SLC5A10: variants seen among roughly 807,000 people sequenced by gnomAD.
SLC5A10 encodes sodium/mannose cotransporter SLC5A10.
Under a neutral mutation model 68.9 loss-of-function variants are expected in SLC5A10, and 55 were observed. That is an observed-to-expected ratio of 0.80 (90% CI 0.64 to 1.00). The LOEUF (loss-of-function observed/expected upper bound fraction) is 1.00, where lower values mean the gene tolerates loss of function less well. Ranked by LOEUF, SLC5A10 falls within the 50% of genes least tolerant of loss-of-function variation. SLC5A10 has a pLI of 0.00. For missense variants in SLC5A10, 732 were observed against 819.3 expected (o/e 0.89, Z 1.30); for synonymous variants, 344 against 344.8 (o/e 1.00, Z 0.02).
At chr17:18,954,903 T>C (rs995679316) in intron 1 of SLC5A10, among the ~76,000 whole-genome samples, 2 of 152,006 alleles carry the variant, frequency 1.3e-5, no homozygotes, top group Admixed American at 1.3e-4. Context: ...AAAGCCCGTC[T>C]CTACTTTTGT....
intron 7 of SLC5A10, chr17:18,970,723 G>A: frequency 2.2e-6 from 1 of 454,758 alleles, no homozygotes; most frequent in Non-Finnish European, 4.0e-6. Context: ...TGAGTGTCCA[G>A]AGGCCAACAG....
intron 2 of SLC5A10, 50 bp downstream of exon 2, chr17:18,958,803 T>C: frequency 6.3e-7 from 1 of 1,595,528 alleles, no homozygotes; most frequent in Non-Finnish European, 8.6e-7. Flanking sequence ...CGTGGGGCTG[T>C]GTCTGATCTC....
chr17:19,015,856 G>A (rs2044128390), intron 11 of SLC5A10, among the ~76,000 whole-genome samples: 2 of 152,128 alleles, frequency 1.3e-5, no homozygotes, highest in African/African-American at 4.8e-5. Flanking sequence ...CAAATATCTG[G>A]GCGCTTCATG....
At chr17:18,970,129 C>T (rs2042804746) in intron 7 of SLC5A10, 1 of 152,286 alleles carries the variant, frequency 6.6e-6, no homozygotes, top group South Asian at 2.1e-4. Context: ...CAGAGCCTGA[C>T]CTGAGCTCCA....
chr17:18,965,567 T>C (rs1038389431), intron 5 of SLC5A10, among the ~76,000 whole-genome samples: 1 of 152,170 alleles, frequency 6.6e-6, no homozygotes, highest in Non-Finnish European at 1.5e-5. Context: ...TTCCATCGGC[T>C]GGGAGATGGA....
At position 18,958,752 on chromosome 17, in the gene SLC5A10, C is replaced by T. The variant is rs149069149; in HGVS notation, c.182C>T (p.Pro61Leu). The change falls in exon 2 of 15, where the codon CCG becomes CTG. Residue 61 changes from proline to leucine, a missense_variant and splice_region_variant. By Grantham distance (98) the Pro-to-Leu change is moderately conservative (BLOSUM62 -3). Transcript: ENST00000395645. Reference sequence around the variant, plus strand: ...GCAGGCCGGGACATGACGTGGTGGCCGGTGAGTGCACCCTGACTTCTCACA... The same window carrying T: ...GCAGGCCGGGACATGACGTGGTGGCTGGTGAGTGCACCCTGACTTCTCACA... ...FLAGRDMTWW[P>L]IGASLFASSE... is the part of the protein sequence containing the mutation. 18 of 1,614,022 alleles carry T rather than the reference C, an allele frequency of 1.1e-5. No individual in the cohort carries two copies. The highest frequency in any genetic ancestry group is 3.3e-4 in the Middle Eastern group (2 of 6,082).
In SLC5A10 at chr17:19,015,164, C is replaced by T. The variant is rs763621831; in HGVS notation, c.1206C>T (p.Pro402=). 2.0e-6 allele frequency: 3 copies of T among 1,522,506 alleles called. No homozygotes were observed. In the Admixed American group the frequency reaches 5.4e-5, roughly 27 times the overall value. The allele number at this position is 1,522,506 out of a possible 1,614,324, so 94.3% of individuals were successfully genotyped here. A position where few individuals can be genotyped will look rare whatever the true frequency, so the allele number is the denominator to read the frequency against. ...FTMDIWRRLR[P]RSGERELLLV... ...TGGACATCTGGAGGCGGCTGCGTCC[C>T]CGCTCCGGCGAGCGGGAGCTCCTGC... The change falls in exon 11 of 15, where the codon CCC becomes CCT. Residue 402 remains proline, a synonymous_variant. Coordinates refer to ENST00000395645, the MANE Select transcript of SLC5A10 (RefSeq NM_001042450.4).
chr17:18,969,394 G>T lies in SLC5A10; in HGVS notation c.612G>T (p.Val204=). ...YTDALQTLIM[V]VGAVILTIKA... ...ACGCCCTGCAGACGCTCATCATGGT[G>T]GTGGGGGCTGTCATCCTGACAATCA... Residue 204 remains valine, a synonymous_variant, in exon 7 of 15, where the codon GTG becomes GTT. Coordinates refer to ENST00000395645, the MANE Select transcript of SLC5A10 (RefSeq NM_001042450.4). 6.2e-7 allele frequency: 1 copy of T among 1,613,842 alleles called. No homozygotes were observed. Among genetic ancestry groups the T allele is most frequent in the Non-Finnish European group, 8.5e-7 (1 of 1,180,022 alleles).
At chr17:18,977,805 C>T (rs752034805) in intron 9 of SLC5A10, 12 of 1,603,612 alleles carry the variant, frequency 7.5e-6, no homozygotes, top group East Asian at 2.2e-5. Context: ...TCTCTCACCT[C>T]GAAGTACTCC....
rs928471908 is a variant in SLC5A10, at chr17:19,004,495, A to G, written c.983-8915A>G. Among the ~76,000 whole-genome samples the G allele has an allele frequency of 1.3e-5, 2 of 151,984 alleles. No individual in the cohort carries two copies. The highest frequency in any genetic ancestry group is 2.9e-5 in the Non-Finnish European group (2 of 67,962). The stretch of plus-strand genomic sequence containing the variant: ...GGGGAACTTCCCAGTAGCTTCTTAG[A>G]GTGGGAGGCGGCCCCGGCACAGAGG... On this transcript the variant is annotated intron_variant, in intron 9 of 14. Transcript: ENST00000395645. This position sits in a 1 kb window ranked among gnomAD's most constrained non-coding sequence, Gnocchi z 5.4.
At chr17:19,019,205 T>G in intron 11 of SLC5A10, 2 of 576,010 alleles carry the variant, frequency 3.5e-6, no homozygotes, top group Non-Finnish European at 6.0e-6. Flanking sequence ...GCACTTAGAG[T>G]CAGGAGCTGC....
intron 3 of SLC5A10, 83 bp from the exon 4 acceptor site, chr17:18,959,521 T>A: frequency 6.7e-7 from 1 of 1,481,734 alleles, no homozygotes; most frequent in African/African-American, 1.4e-5. Context: ...TCCGGATGGC[T>A]CATCCCAGCC....
intron 5 of SLC5A10, among the ~76,000 whole-genome samples, chr17:18,967,550 G>C (rs2042736852): frequency 6.6e-6 from 1 of 152,236 alleles, no homozygotes; most frequent in African/African-American, 2.4e-5. Context: ...GGCGTGGCCA[G>C]AGCCAAAGAC....
intron 5 of SLC5A10, among the ~76,000 whole-genome samples, chr17:18,964,363 C>T (rs1031716037): frequency 2.0e-5 from 3 of 152,120 alleles, no homozygotes; most frequent in African/African-American, 7.2e-5. Context: ...CCCTGGGGCC[C>T]GAAAGTGCCT....
rs535294306 is a variant in SLC5A10, at chr17:19,018,531, T to A, written c.1242-892T>A. Reference sequence around the variant, plus strand: ...GCACCAGGTCCCACTCATCGCCGAGTTGGGGATCCTAGGGTAGTGTCCTAC... The same window carrying A: ...GCACCAGGTCCCACTCATCGCCGAGATGGGGATCCTAGGGTAGTGTCCTAC... On this transcript the variant is annotated intron_variant, in intron 11 of 14. Transcript: ENST00000395645. The surrounding 1 kb of genome is among the most constrained non-coding windows in gnomAD (Gnocchi z 4.2). 6.6e-6 allele frequency: 1 copy of A among 152,228 alleles called. No homozygotes were observed. The highest frequency in any genetic ancestry group is 1.5e-5 in the Non-Finnish European group (1 of 68,054). The allele number at this position is 152,228 out of a possible 1,614,324, so 9.4% of individuals were successfully genotyped here. A position where few individuals can be genotyped will look rare whatever the true frequency, so the allele number is the denominator to read the frequency against.
chr17:19,019,332 A>T lies in SLC5A10; in HGVS notation c.1242-91A>T, dbSNP rs1033442068. 1.4e-4 allele frequency: 213 copies of T among 1,472,460 alleles called. No individual in the cohort carries two copies. In the African/African-American group the frequency reaches 2.6e-3, roughly 18 times the overall value. 91.2% of individuals were successfully genotyped at this position (1,472,460 alleles called of 1,614,324 possible). ...CTGGAGCTGGGGTAGCAGGGGAAAG[A>T]TTAGAGAGCAAGTCTTAGTGACCAG... On this transcript the variant is annotated intron_variant, in intron 11 of 14. Coordinates refer to ENST00000395645, the MANE Select transcript of SLC5A10 (RefSeq NM_001042450.4).
rs547210552 is a variant in SLC5A10, at chr17:19,000,614, G to T, written c.983-12796G>T. Among the ~76,000 whole-genome samples, 1 of 152,160 alleles carries T rather than the reference G, an allele frequency of 6.6e-6. No homozygotes were observed. Among genetic ancestry groups the T allele is most frequent in the African/African-American group, 2.4e-5 (1 of 41,424 alleles). On this transcript the variant is annotated intron_variant, in intron 9 of 14. Coordinates refer to ENST00000395645, the MANE Select transcript of SLC5A10 (RefSeq NM_001042450.4). This position sits in a 1 kb window ranked among gnomAD's most constrained non-coding sequence, Gnocchi z 5.2. ...CGACAGGTAAGGTGAGTGAGGAGGC[G>T]GAAGGCTGGGCTGTCCTGACTCAGC...
chr17:19,003,535 GATC>G lies in SLC5A10; in HGVS notation c.983-9871_983-9869del. On this transcript the variant is annotated intron_variant, in intron 9 of 14. Coordinates refer to ENST00000395645, the MANE Select transcript of SLC5A10 (RefSeq NM_001042450.4). The surrounding 1 kb of genome is among the most constrained non-coding windows in gnomAD (Gnocchi z 4.5). Reference sequence around the variant, plus strand: ...GCTGCCTCACCTTCTGTGCCTGGCTGATCATCTTCCGCACCACCTCTTTGATGT... The same window carrying G: ...GCTGCCTCACCTTCTGTGCCTGGCTGATCTTCCGCACCACCTCTTTGATGT... 6.5e-7 allele frequency: 1 copy of G among 1,539,238 alleles called. No homozygotes were observed. The highest frequency in any genetic ancestry group is 1.3e-5 in the South Asian group (1 of 79,288).
At position 18,972,493 on chromosome 17, in the gene SLC5A10, G is replaced by A. The variant is rs191618591; in HGVS notation, c.846+1275G>A. The stretch of plus-strand genomic sequence containing the variant: ...GTGGAGTGACTTTTCCGTGGTTCCC[G>A]ACTCTGCTCTTCCTCTCCCAAGCAG... On this transcript the variant is annotated intron_variant, in intron 8 of 14. Coordinates refer to ENST00000395645, the MANE Select transcript of SLC5A10 (RefSeq NM_001042450.4). 3.2e-3 allele frequency among the ~76,000 whole-genome samples: 480 copies of A among 152,260 alleles called. 3 individuals are homozygous for A. Among genetic ancestry groups the A allele is most frequent in the Non-Finnish European group, 5.4e-3 (370 of 68,008 alleles).
Sources: allele counts gnomAD v4.1 joint callset (sites outside exome capture counted in the v4.1 genomes callset), GRCh38; gene constraint gnomAD v4.1.1; non-coding constraint Gnocchi (gnomAD v3.1); transcripts MANE v1.5; gene names NCBI Gene and HGNC (gene_info 2026-07-23, HGNC 2026-07-21).